Variants in TTC28 observed in about 807,000 individuals in gnomAD.
The protein encoded by TTC28 is tetratricopeptide repeat domain 28.
TTC28 carries 61 observed loss-of-function variants against 198.0 expected under a neutral mutation model. The ratio of observed to expected loss-of-function variants is 0.31; its 90% CI spans 0.25 to 0.38. The LOEUF (loss-of-function observed/expected upper bound fraction) is 0.38. Among genes scored for constraint, TTC28 ranks in the 10% least tolerant of loss-of-function variants. The pLI is 1.00. For missense variants in TTC28, 2,678 were observed against 3,164.0 expected (o/e 0.85, Z 3.69); for synonymous variants, 1,171 against 1,297.8 (o/e 0.90, Z 2.10).
In TTC28 at chr22:28,040,914, A is replaced by G. The variant is rs114237930; in HGVS notation, c.3933-10548T>C. ...CTTAGGATACAAAATCCATGTGCAA[A>G]AAACACAAGCATTCCTCTACACCAA... On this transcript the variant is annotated intron_variant, in intron 12 of 22. Coordinates refer to ENST00000397906, the MANE Select transcript of TTC28 (RefSeq NM_001145418.2). Among the ~76,000 whole-genome samples, 1,461 of 152,326 alleles carry G rather than the reference A, an allele frequency of 9.6e-3. 26 individuals carry two copies. The highest frequency in any genetic ancestry group is 0.033 in the African/African-American group (1,362 of 41,562).
At chr22:28,672,597 G>A (rs1230088498) in intron 1 of TTC28, among the ~76,000 whole-genome samples, 5 of 152,130 alleles carry the variant, frequency 3.3e-5, no homozygotes, top group Non-Finnish European at 7.4e-5. Flanking sequence ...ACCACACCTG[G>A]CCTAAAATAT....
chr22:28,639,020 C>A (rs1236236373), intron 1 of TTC28, among the ~76,000 whole-genome samples: 1 of 152,170 alleles, frequency 6.6e-6, no homozygotes, highest in Non-Finnish European at 1.5e-5. Context: ...GTAAAAGTTG[C>A]ATAACCTTTC....
intron 12 of TTC28, among the ~76,000 whole-genome samples, chr22:28,038,648 C>A (rs1414622851): frequency 6.6e-6 from 1 of 152,166 alleles, no homozygotes; most frequent in Non-Finnish European, 1.5e-5. Context: ...GCAATGGCAA[C>A]AAAAGCCAAA....
chr22:27,992,375 C>T (rs1397902573), intron 19 of TTC28: 9 of 588,056 alleles, frequency 1.5e-5, no homozygotes, highest in African/African-American at 9.4e-5. Flanking sequence ...GCCGCTGGCA[C>T]GGATGCCTTG....
intron 11 of TTC28, 107 bp from the exon 12 acceptor site, chr22:28,094,352 G>C: frequency 1.6e-6 from 2 of 1,241,572 alleles, no homozygotes; most frequent in Admixed American, 3.3e-5. Context: ...TCTTTGACAA[G>C]CATGCCATCC....
intron 10 of TTC28, among the ~76,000 whole-genome samples, chr22:28,097,096 C>A (rs997939417): frequency 1.3e-5 from 2 of 152,204 alleles, no homozygotes; most frequent in African/African-American, 4.8e-5. Context: ...ACTCTCTCTC[C>A]TCCCTCCATG....
chr22:28,297,435 C>T, intron 4 of TTC28, 145 bp downstream of exon 4: 1 of 1,007,100 alleles, frequency 9.9e-7, no homozygotes, highest in Non-Finnish European at 1.4e-6. Context: ...AAATTCCTGG[C>T]CTTAAGCAAT....
intron 2 of TTC28, among the ~76,000 whole-genome samples, chr22:28,468,441 C>A (rs540362614): frequency 2.6e-5 from 4 of 152,114 alleles, no homozygotes; most frequent in Non-Finnish European, 5.9e-5. Flanking sequence ...TGTCTCCTCT[C>A]CCCCATCTAA....
At chr22:28,483,283 G>A (rs1427910490) in intron 2 of TTC28, among the ~76,000 whole-genome samples, 1 of 152,098 alleles carries the variant, frequency 6.6e-6, no homozygotes, top group African/African-American at 2.4e-5. Context: ...TAAGTGTCAT[G>A]TCAGATGGCA....
At chr22:28,090,253 T>A (rs1941772636) in intron 12 of TTC28, among the ~76,000 whole-genome samples, 1 of 152,052 alleles carries the variant, frequency 6.6e-6, no homozygotes, top group South Asian at 2.1e-4. Context: ...CTAGTCTCCT[T>A]CTGAGAATTT....
At chr22:28,555,049 T>C (rs1038193274) in intron 2 of TTC28, among the ~76,000 whole-genome samples, 12 of 152,124 alleles carry the variant, frequency 7.9e-5, no homozygotes, top group Non-Finnish European at 1.2e-4. Context: ...AAGACATAAA[T>C]AGACAATTCT....
intron 2 of TTC28, among the ~76,000 whole-genome samples, chr22:28,504,432 A>G (rs2048576273): frequency 1.3e-5 from 2 of 152,172 alleles, no homozygotes; most frequent in South Asian, 4.1e-4. Context: ...ACATACATAC[A>G]CATACATATG....
chr22:28,643,491 G>A (rs1466977513), intron 1 of TTC28, among the ~76,000 whole-genome samples: 1 of 152,150 alleles, frequency 6.6e-6, no homozygotes, highest in Admixed American at 6.5e-5. Flanking sequence ...TCAATTAAGT[G>A]AATACTTCTC....
chr22:28,139,610 C>T (rs1347491116), intron 6 of TTC28, among the ~76,000 whole-genome samples: 1 of 152,036 alleles, frequency 6.6e-6, no homozygotes, highest in Admixed American at 6.6e-5. Flanking sequence ...GAAGGAAATG[C>T]TTTTGCCCCA....
intron 6 of TTC28, among the ~76,000 whole-genome samples, chr22:28,162,814 C>G (rs1053811767): frequency 1.3e-5 from 2 of 152,042 alleles, no homozygotes. Context: ...GCCAGGTGTA[C>G]TGGCGTGTGC....
chr22:28,166,338 C>A (rs954697718), intron 5 of TTC28, among the ~76,000 whole-genome samples: 3 of 152,336 alleles, frequency 2.0e-5, no homozygotes, highest in South Asian at 2.1e-4. Context: ...CAGACATCTA[C>A]AGAACTCTCC....
At chr22:28,047,579 AG>A (rs982385548) in intron 12 of TTC28, among the ~76,000 whole-genome samples, 3 of 152,160 alleles carry the variant, frequency 2.0e-5, no homozygotes, top group African/African-American at 7.2e-5. Context: ...CCCATCTAAC[AG>A]GCCCAAAGTT....
intron 2 of TTC28, among the ~76,000 whole-genome samples, chr22:28,541,405 A>C (rs2145932394): frequency 6.6e-6 from 1 of 152,334 alleles, no homozygotes; most frequent in South Asian, 2.1e-4. Flanking sequence ...AAGCAGTTCA[A>C]GGTGGCAGGG....
intron 5 of TTC28, among the ~76,000 whole-genome samples, chr22:28,273,863 T>C (rs1932245764): frequency 2.0e-5 from 3 of 152,080 alleles, no homozygotes; most frequent in Non-Finnish European, 4.4e-5. Context: ...AGATACTATC[T>C]TCAATAACAA....
Sources: allele counts gnomAD v4.1 joint callset (sites outside exome capture counted in the v4.1 genomes callset), GRCh38; gene constraint gnomAD v4.1.1; transcripts MANE v1.5; gene names NCBI Gene and HGNC (gene_info 2026-07-23, HGNC 2026-07-21).